TLE5: variants seen among roughly 807,000 people sequenced by gnomAD.
TLE5 encodes TLE family member 5.
In TLE5, 7 loss-of-function variants were observed where a neutral mutation model predicts 25.8. The ratio of observed to expected loss-of-function variants is 0.27; its 90% CI spans 0.15 to 0.51. TLE5 has a LOEUF of 0.51. Ranked by LOEUF, TLE5 falls within the 20% of genes least tolerant of loss-of-function variation. The pLI is 0.97. For missense variants in TLE5, 149 were observed against 250.7 expected (o/e 0.59, Z 2.74); for synonymous variants, 132 against 110.5 (o/e 1.20, Z -1.22).
chr19:3,056,520 A>C, intron 3 of TLE5, 164 bp from the exon 4 acceptor site: 4 of 588,636 alleles, frequency 6.8e-6, no homozygotes, highest in East Asian at 3.2e-5. Context: ...GGGAAAGAGG[A>C]GGGAGAGACG....
chr19:3,054,236 T>C (rs1170363301), intron 5 of TLE5, 42 bp from the exon 6 acceptor site: 1 of 1,585,250 alleles, frequency 6.3e-7, no homozygotes, highest in Non-Finnish European at 8.6e-7. Context: ...TGATTCCTCC[T>C]GATCCTGGGA....
intron 2 of TLE5, 154 bp from the exon 3 acceptor site, chr19:3,057,896 A>T (rs1391487110): frequency 6.5e-5 from 44 of 674,512 alleles, no homozygotes; most frequent in East Asian, 6.4e-4. Flanking sequence ...TTTTTTTTTT[A>T]AATTGAGACG....
intron 1 of TLE5, among the ~76,000 whole-genome samples, chr19:3,061,886 T>G (rs1468339984): frequency 5.5e-4 from 33 of 60,440 alleles, no homozygotes; most frequent in South Asian, 4.4e-3. Flanking sequence ...CCCGGCGGGT[T>G]GGGGGGGGGG....
At chr19:3,058,113 G>A (rs2090235865) in intron 2 of TLE5, among the ~76,000 whole-genome samples, 1 of 152,116 alleles carries the variant, frequency 6.6e-6, no homozygotes, top group East Asian at 1.9e-4. Flanking sequence ...TGATGCTGCG[G>A]GGAGGGGAGA....
intron 3 of TLE5, chr19:3,057,406 C>T (rs1041649398): frequency 6.7e-5 from 32 of 475,946 alleles, no homozygotes; most frequent in Non-Finnish European, 1.9e-5. Flanking sequence ...CCTCCCTCTC[C>T]TCCCTCCTCC....
intron 5 of TLE5, chr19:3,054,473 T>G: frequency 3.6e-6 from 2 of 551,938 alleles, no homozygotes; most frequent in Non-Finnish European, 6.5e-6. Flanking sequence ...AGCTTTTGAG[T>G]GAGCCCGGGA....
At chr19:3,059,402 A>G (rs1354337660) in intron 2 of TLE5, among the ~76,000 whole-genome samples, 8 of 152,284 alleles carry the variant, frequency 5.3e-5, no homozygotes, top group South Asian at 2.1e-4. Context: ...CACGCCTGTA[A>G]TCCCAGCTAC....
chr19:3,062,536 C>T, upstream of TLE5: 1 of 704,020 alleles, frequency 1.4e-6, no homozygotes, highest in Non-Finnish European at 1.7e-6. Flanking sequence ...GCTCCACCTG[C>T]CGCCGCCCGT....
intron 2 of TLE5, 47 bp downstream of exon 2, chr19:3,061,113 G>GA: frequency 7.0e-7 from 1 of 1,419,814 alleles, no homozygotes; most frequent in African/African-American, 1.4e-5. Flanking sequence ...AAGAAATGGG[G>GA]GGACTCACAT....
At position 3,055,414 on chromosome 19, in the gene TLE5, AT is replaced by A. The variant is rs2090208601; in HGVS notation, c.297+249del. 5 of 366,300 alleles carry A rather than the reference AT, an allele frequency of 1.4e-5. No individual in the cohort carries two copies. The Admixed American group carries it at 2.3e-4, about 17-fold the overall frequency. The allele number at this position is 366,300 out of a possible 1,614,324, so 22.7% of individuals were successfully genotyped here. A position where few individuals can be genotyped will look rare whatever the true frequency, so the allele number is the denominator to read the frequency against. ...CCCATCTGACATTTCTACCTATGAC[AT>A]GACTCACTCCAGCTGGGAATTCCAG... On this transcript the variant is annotated intron_variant, in intron 5 of 6. Coordinates refer to ENST00000327141, the MANE Select transcript of TLE5 (RefSeq NM_001130.6).
chr19:3,057,317 G>A (rs538808038), intron 3 of TLE5: 8 of 311,112 alleles, frequency 2.6e-5, no homozygotes, highest in Admixed American at 1.3e-4. Flanking sequence ...GCGTGTGGAC[G>A]CTGGGACCTT....
At chr19:3,057,775 A>T (rs1450027412) in intron 2 of TLE5, 33 bp from the exon 3 acceptor site, 1 of 1,609,532 alleles carries the variant, frequency 6.2e-7, no homozygotes, top group Non-Finnish European at 8.5e-7. Flanking sequence ...TGGGGTGGTT[A>T]GTGGCGGCTG....
intron 4 of TLE5, 85 bp from the exon 5 acceptor site, chr19:3,055,811 C>G: frequency 1.4e-6 from 2 of 1,406,670 alleles, no homozygotes; most frequent in Non-Finnish European, 1.9e-6. Context: ...GGGGCCCGGC[C>G]CAGCCCTGCC....
intron 4 of TLE5, 169 bp from the exon 5 acceptor site, chr19:3,055,895 C>G: frequency 1.6e-6 from 1 of 634,798 alleles, no homozygotes; most frequent in African/African-American, 1.9e-5. Context: ...CCGAGGGCAG[C>G]CAGTCAGTGG....
chr19:3,057,820 G>C (rs903939652), intron 2 of TLE5, 78 bp from the exon 3 acceptor site: 43 of 1,358,192 alleles, frequency 3.2e-5, no homozygotes, highest in Non-Finnish European at 3.8e-5. Flanking sequence ...ATCCAGGGGA[G>C]GAAACTGAGG....
chr19:3,053,724 C>T lies in TLE5; in HGVS notation c.*95G>A, dbSNP rs3746076. 653 of 1,395,142 alleles carry T rather than the reference C, an allele frequency of 4.7e-4. 5 individuals carry two copies. The East Asian group carries it at 0.012, about 27-fold the overall frequency. The allele number at this position is 1,395,142 out of a possible 1,614,324, so 86.4% of individuals were successfully genotyped here. ...AATACTATGGGAGTTTAGCCAATCC[C>T]GAGCTCCGCTGTGTCTTGTGCTAAA... On this transcript the variant is annotated 3_prime_UTR_variant, in exon 7 of 7. Coordinates refer to ENST00000327141, the MANE Select transcript of TLE5 (RefSeq NM_001130.6).
chr19:3,062,064 G>A (rs1174611895), intron 1 of TLE5, 110 bp downstream of exon 1: 58 of 348,042 alleles, frequency 1.7e-4, no homozygotes, highest in Non-Finnish European at 2.3e-4. Context: ...GGGGCGCCGG[G>A]CCGGAGGCAC....
chr19:3,062,832 G>C, upstream of TLE5: 1 of 1,548,066 alleles, frequency 6.5e-7, no homozygotes, highest in African/African-American at 1.4e-5. Flanking sequence ...CCTTGGCTCT[G>C]GCTGGGCGGT....
At chr19:3,055,494 C>T (rs1460032558) in intron 5 of TLE5, 170 bp downstream of exon 5, 4 of 468,114 alleles carry the variant, frequency 8.5e-6, no homozygotes, top group Non-Finnish European at 1.1e-5. Context: ...GTCTCTGGCC[C>T]GGGGATTCTT....
Sources: gnomAD v4.1 joint callset for allele counts (sites outside exome capture counted in the v4.1 genomes callset) on GRCh38, gnomAD v4.1.1 for gene constraint, MANE v1.5 for transcripts, NCBI Gene and HGNC (gene_info 2026-07-23, HGNC 2026-07-21) for gene names.